Variants in ELF1 observed in about 807,000 individuals in gnomAD.
The protein encoded by ELF1 is ETS-related transcription factor Elf-1.
In ELF1, 24 loss-of-function variants were observed where a neutral mutation model predicts 59.9. The observed-to-expected ratio is 0.40, with a 90% CI of 0.29 to 0.56. The LOEUF (loss-of-function observed/expected upper bound fraction) is 0.56, where lower values mean the gene tolerates loss of function less well. Among genes scored for constraint, ELF1 ranks in the 20% least tolerant of loss-of-function variants. ELF1 has a pLI of 0.44. For synonymous variants in ELF1, 248 were observed against 266.2 expected (o/e 0.93, Z 0.67); for missense variants, 627 against 742.2 (o/e 0.84, Z 1.80).
rs1273910724 is a variant in ELF1, at chr13:40,950,035, AG to A, written c.362-63del. 25 of 1,378,318 alleles carry A rather than the reference AG, an allele frequency of 1.8e-5. No homozygotes were observed. The East Asian group carries it at 6.4e-4, about 35-fold the overall frequency. 85.4% of individuals were successfully genotyped at this position (1,378,318 alleles called of 1,614,324 possible). ...TGTATTATAAGTTAAAAAACGATTG[AG>A]AAAATTTCTTGTTTCTATTATGACT... On this transcript the variant is annotated intron_variant, in intron 4 of 8. Transcript: ENST00000239882.
At chr13:41,031,448 A>G (rs1373239055) in intron 1 of ELF1, among the ~76,000 whole-genome samples, 1 of 152,130 alleles carries the variant, frequency 6.6e-6, no homozygotes, top group African/African-American at 2.4e-5. Context: ...CTGACATTTG[A>G]TTTTATAGCC....
intron 1 of ELF1, among the ~76,000 whole-genome samples, chr13:41,039,006 CAAAAAAAA>C (rs11405097): frequency 1.3e-5 from 1 of 76,574 alleles, no homozygotes; most frequent in African/African-American, 5.6e-5. Flanking sequence ...GAGACTTTGT[CAAAAAAAA>C]AAAAAAAAAA....
intron 2 of ELF1, among the ~76,000 whole-genome samples, chr13:40,978,874 AC>A: frequency 6.6e-6 from 1 of 151,346 alleles, no homozygotes. Flanking sequence ...AGCTCCTCTT[AC>A]CCCCCGCAAC....
At position 40,976,156 on chromosome 13, in the gene ELF1, T is replaced by C. The variant is rs572666809; in HGVS notation, c.72+5827A>G. On this transcript the variant is annotated intron_variant, in intron 2 of 8. Coordinates refer to ENST00000239882, the MANE Select transcript of ELF1 (RefSeq NM_172373.4). ...CAACAGGTATGAATGTTGGAGATCA[T>C]TTCTGAGCAAACAGTGGGGAAGCAG... is the stretch of plus-strand genomic sequence containing the variant. Among the ~76,000 whole-genome samples the C allele has an allele frequency of 7.9e-5, 12 of 152,326 alleles. No individual in the cohort carries two copies. The South Asian group carries it at 2.1e-3, about 26-fold the overall frequency.
upstream of ELF1, among the ~76,000 whole-genome samples, chr13:41,021,461 T>C (rs1294243943): frequency 6.6e-6 from 1 of 152,122 alleles, no homozygotes; most frequent in Non-Finnish European, 1.5e-5. Flanking sequence ...CCTTGTTCTA[T>C]TTACAGCCCC....
intron 8 of ELF1, among the ~76,000 whole-genome samples, chr13:40,934,642 A>G (rs1161776579): frequency 3.9e-5 from 6 of 152,028 alleles, no homozygotes; most frequent in African/African-American, 1.4e-4. Context: ...CTGGTCTCAA[A>G]GTCCTGACCT....
At chr13:41,032,343 G>T (rs1171248019) in intron 1 of ELF1, among the ~76,000 whole-genome samples, 1 of 151,016 alleles carries the variant, frequency 6.6e-6, no homozygotes, top group African/African-American at 2.4e-5. Flanking sequence ...TCAGCCTCCT[G>T]AGTAGCTGGG....
chr13:41,060,771 G>GA (rs888924260), intron 1 of ELF1: 1 of 167,548 alleles, frequency 6.0e-6, no homozygotes, highest in African/African-American at 2.4e-5. Context: ...GGGCCACCTG[G>GA]GTGAAAACCA....
At position 40,955,165 on chromosome 13, in the gene ELF1, C is replaced by T. The variant is rs1443221017; in HGVS notation, c.253+3671G>A. On this transcript the variant is annotated intron_variant, in intron 3 of 8. Coordinates refer to ENST00000239882, the MANE Select transcript of ELF1 (RefSeq NM_172373.4). ...GCGTCTGAGAAGTGAGGAGCCCCTC[C>T]GCCCGGCAGCCACACCCTCTGAGAA... 5.1e-3 allele frequency among the ~76,000 whole-genome samples: 764 copies of T among 149,868 alleles called. 7 individuals carry two copies. Among genetic ancestry groups the T allele is most frequent in the South Asian group, 0.012 (56 of 4,716 alleles).
intron 1 of ELF1, among the ~76,000 whole-genome samples, chr13:41,012,805 A>T (rs1295989319): frequency 6.6e-6 from 1 of 151,582 alleles, no homozygotes. Flanking sequence ...TGATCCTCCC[A>T]CTTAGGCTTT....
At chr13:41,012,030 G>A (rs1875093197) in intron 1 of ELF1, among the ~76,000 whole-genome samples, 1 of 152,100 alleles carries the variant, frequency 6.6e-6, no homozygotes, top group African/African-American at 2.4e-5. Flanking sequence ...TATGAGGCCA[G>A]GTGCAGTAGC....
At chr13:40,963,798 TCAGGAGGATGAGG>T (rs1008743077) in intron 2 of ELF1, among the ~76,000 whole-genome samples, 17 of 152,040 alleles carry the variant, frequency 1.1e-4, no homozygotes, top group Admixed American at 7.9e-4. Context: ...TCCCAGCTAC[TCAGGAGGATGAGG>T]CAGGAGAATC....
chr13:41,014,901 T>C (rs965800868), intron 1 of ELF1, among the ~76,000 whole-genome samples: 2 of 151,854 alleles, frequency 1.3e-5, no homozygotes, highest in African/African-American at 4.8e-5. Context: ...GCTTCAAAAA[T>C]CATATCCAAG....
chr13:41,060,517 G>A (rs1304739511), intron 1 of ELF1, among the ~76,000 whole-genome samples: 1 of 152,290 alleles, frequency 6.6e-6, no homozygotes, highest in African/African-American at 2.4e-5. Flanking sequence ...AGCCGGAGGC[G>A]GGAGGGAGAA....
intron 3 of ELF1, among the ~76,000 whole-genome samples, chr13:40,952,424 C>T (rs1870913572): frequency 6.6e-6 from 1 of 151,132 alleles, no homozygotes; most frequent in African/African-American, 2.4e-5. Flanking sequence ...TGCAGTGGCT[C>T]AATTATAGCT....
chr13:41,057,350 G>C (rs1877325201), intron 1 of ELF1, among the ~76,000 whole-genome samples: 1 of 151,506 alleles, frequency 6.6e-6, no homozygotes, highest in African/African-American at 2.4e-5. Context: ...TTTTTGTAGA[G>C]ACAGGCTCTT....
At chr13:40,947,250 T>G (rs913056205) in intron 5 of ELF1, among the ~76,000 whole-genome samples, 6 of 151,848 alleles carry the variant, frequency 4.0e-5, no homozygotes, top group African/African-American at 1.5e-4. Context: ...TAAGAAAAAT[T>G]TGTACATAAA....
At chr13:41,034,171 G>T (rs1019346440) in intron 1 of ELF1, among the ~76,000 whole-genome samples, 1 of 152,112 alleles carries the variant, frequency 6.6e-6, no homozygotes, top group Non-Finnish European at 1.5e-5. Context: ...TACCTGACTG[G>T]TACTCTTCCA....
At chr13:41,007,951 A>T (rs183124683) in intron 1 of ELF1, among the ~76,000 whole-genome samples, 3 of 152,310 alleles carry the variant, frequency 2.0e-5, no homozygotes, top group African/African-American at 4.8e-5. Context: ...AAGCAGGATG[A>T]AACTGCGAGT....
Sources: gnomAD v4.1 joint callset for allele counts (sites outside exome capture counted in the v4.1 genomes callset) on GRCh38, gnomAD v4.1.1 for gene constraint, MANE v1.5 for transcripts, NCBI Gene and HGNC (gene_info 2026-07-23, HGNC 2026-07-21) for gene names.